The following HSD17B12 variants were observed in gnomAD, a reference collection of about 807,000 sequenced individuals.
The protein encoded by HSD17B12 is very-long-chain 3-oxoacyl-CoA reductase.
HSD17B12 carries 32 observed loss-of-function variants against 39.3 expected under a neutral mutation model. The ratio of observed to expected loss-of-function variants is 0.81; its 90% CI spans 0.61 to 1.09. HSD17B12 has a LOEUF of 1.09. Ranked by LOEUF, HSD17B12 falls within the 50% of genes least tolerant of loss-of-function variation. The probability of loss-of-function intolerance (pLI) is 0.00; values close to 1 mark genes in which losing one functional copy is unlikely to be tolerated. For missense variants in HSD17B12, 342 were observed against 382.9 expected, an observed-to-expected ratio of 0.89 and a Z score of 0.89; for synonymous variants, 150 against 146.7, an observed-to-expected ratio of 1.02 and a Z score of -0.16.
chr11:43,579,059 C>T, the HSD17B12 span: 1 of 137,820 alleles, frequency 7.3e-6, no homozygotes, highest in East Asian at 2.2e-4. Context: ...GGAGACGTCC[C>T]CTACATGGGA....
intron 1 of HSD17B12, among the ~76,000 whole-genome samples, chr11:43,706,560 T>C (rs906286912): frequency 6.6e-5 from 10 of 152,104 alleles, no homozygotes; most frequent in African/African-American, 2.4e-4. Context: ...AAAAAAGACC[T>C]CAGTCTGTGA....
chr11:43,795,776 C>A (rs1454637078), intron 3 of HSD17B12, among the ~76,000 whole-genome samples: 1 of 152,108 alleles, frequency 6.6e-6, no homozygotes, highest in African/African-American at 2.4e-5. Flanking sequence ...AGAACCAAGT[C>A]CTTGTCTTCT....
At chr11:43,686,680 A>G (rs1467366211) in intron 1 of HSD17B12, among the ~76,000 whole-genome samples, 1 of 151,626 alleles carries the variant, frequency 6.6e-6, no homozygotes, top group African/African-American at 2.4e-5. Context: ...TGGAGACCCA[A>G]ACCTAGACTT....
At chr11:43,795,413 A>G (rs907901652) in intron 3 of HSD17B12, among the ~76,000 whole-genome samples, 2 of 152,132 alleles carry the variant, frequency 1.3e-5, no homozygotes, top group Non-Finnish European at 2.9e-5. Flanking sequence ...TTCCTGTCCT[A>G]TTCTTATATA....
At chr11:43,652,886 A>T in the HSD17B12 span, among the ~76,000 whole-genome samples, 1 of 152,134 alleles carries the variant, frequency 6.6e-6, no homozygotes, top group Non-Finnish European at 1.5e-5. Context: ...AAAGAGTATG[A>T]TCTAATACTA....
chr11:43,588,451 T>G, the HSD17B12 span, among the ~76,000 whole-genome samples: 1 of 152,132 alleles, frequency 6.6e-6, no homozygotes, highest in Non-Finnish European at 1.5e-5. Context: ...GGAAAATCCA[T>G]CTAAATATAA....
At chr11:43,699,510 T>A (rs1316262834) in intron 1 of HSD17B12, among the ~76,000 whole-genome samples, 2 of 152,242 alleles carry the variant, frequency 1.3e-5, no homozygotes, top group African/African-American at 4.8e-5. Context: ...TAAAAAATAC[T>A]AAGGAGTATA....
intron 3 of HSD17B12, among the ~76,000 whole-genome samples, chr11:43,794,552 A>C (rs1950899035): frequency 1.3e-5 from 2 of 152,356 alleles, no homozygotes; most frequent in South Asian, 4.1e-4. Context: ...AAAATAAGAT[A>C]ATAAACAGAC....
the HSD17B12 span, among the ~76,000 whole-genome samples, chr11:43,662,503 C>T: frequency 1.3e-5 from 2 of 148,748 alleles, no homozygotes; most frequent in African/African-American, 5.0e-5. Flanking sequence ...CCTTAGCCCC[C>T]CAAAGTTGGC....
chr11:43,587,364 A>T, the HSD17B12 span, among the ~76,000 whole-genome samples: 1 of 152,138 alleles, frequency 6.6e-6, no homozygotes, highest in Non-Finnish European at 1.5e-5. Context: ...AGCTCAGGAC[A>T]TCCCTAGGTT....
At chr11:43,768,659 G>A (rs1950619841) in intron 3 of HSD17B12, among the ~76,000 whole-genome samples, 1 of 152,222 alleles carries the variant, frequency 6.6e-6, no homozygotes, top group Non-Finnish European at 1.5e-5. Flanking sequence ...CACTGCGAGT[G>A]TTACAGCTCT....
the HSD17B12 span, among the ~76,000 whole-genome samples, chr11:43,669,220 G>T: frequency 6.6e-6 from 1 of 152,026 alleles, no homozygotes; most frequent in East Asian, 1.9e-4. Flanking sequence ...CAATTTATTG[G>T]CCAGGCAAGG....
chr11:43,579,069 A>C, the HSD17B12 span: 2 of 35,906 alleles, frequency 5.6e-5, no homozygotes, highest in Non-Finnish European at 1.1e-4. Flanking sequence ...CCTACATGGG[A>C]GATGGGGGGC....
upstream of HSD17B12, among the ~76,000 whole-genome samples, chr11:43,679,595 C>G (rs1014471910): frequency 6.6e-6 from 1 of 152,118 alleles, no homozygotes; most frequent in South Asian, 2.1e-4. Flanking sequence ...ACCACTCCCC[C>G]ACTCCCCAAC....
At chr11:43,825,886 A>G (rs1471070622) in intron 6 of HSD17B12, among the ~76,000 whole-genome samples, 1 of 152,200 alleles carries the variant, frequency 6.6e-6, no homozygotes, top group Non-Finnish European at 1.5e-5. Context: ...GCTAGGTTAT[A>G]GGATAAATGC....
the HSD17B12 span, among the ~76,000 whole-genome samples, chr11:43,622,940 C>T: frequency 1.3e-5 from 2 of 152,100 alleles, no homozygotes; most frequent in South Asian, 4.1e-4. Flanking sequence ...TACAGTTCTA[C>T]AAGGTTTATG....
At chr11:43,565,310 C>T in the HSD17B12 span, among the ~76,000 whole-genome samples, 25 of 152,178 alleles carry the variant, frequency 1.6e-4, no homozygotes, top group Non-Finnish European at 2.6e-4. Flanking sequence ...AGCTTCCCTC[C>T]ACTGACCTCA....
intron 1 of HSD17B12, among the ~76,000 whole-genome samples, chr11:43,740,390 G>A (rs149186535): frequency 1.1e-3 from 165 of 152,192 alleles, no homozygotes; most frequent in African/African-American, 3.8e-3. Flanking sequence ...GACCGTTTAC[G>A]CTTACTTTTC....
At chr11:43,754,511 A>G (rs1950492749) in intron 3 of HSD17B12, among the ~76,000 whole-genome samples, 1 of 152,166 alleles carries the variant, frequency 6.6e-6, no homozygotes, top group African/African-American at 2.4e-5. Context: ...GGGTGGTGGA[A>G]GTTGCAGTGA....
Sources: gnomAD v4.1 joint callset for allele counts (sites outside exome capture counted in the v4.1 genomes callset) on GRCh38, gnomAD v4.1.1 for gene constraint, MANE v1.5 for transcripts, NCBI Gene and HGNC (gene_info 2026-07-23, HGNC 2026-07-21) for gene names.